Variants in FBXL7 observed in about 807,000 individuals in gnomAD.
The protein encoded by FBXL7 is F-box/LRR-repeat protein 7.
Under a neutral mutation model 38.3 loss-of-function variants are expected in FBXL7, and 12 were observed. The observed-to-expected ratio is 0.31, with a 90% CI of 0.20 to 0.51. The LOEUF is 0.51. Among genes scored for constraint, FBXL7 ranks in the 20% least tolerant of loss-of-function variants. The pLI is 0.98. For synonymous variants in FBXL7, 297 were observed against 300.9 expected (o/e 0.99, Z 0.13); for missense variants, 567 against 676.4 (o/e 0.84, Z 1.79).
At chr5:15,849,039 C>T (rs1241539242) in intron 2 of FBXL7, among the ~76,000 whole-genome samples, 1 of 152,190 alleles carries the variant, frequency 6.6e-6, no homozygotes, top group African/African-American at 2.4e-5. Flanking sequence ...TAAATGATTG[C>T]TCTAGTAATG....
At chr5:15,709,409 C>A (rs189882475) in intron 2 of FBXL7, among the ~76,000 whole-genome samples, 99 of 152,012 alleles carry the variant, frequency 6.5e-4, no homozygotes, top group Non-Finnish European at 1.1e-3. Flanking sequence ...TTGTGCACAC[C>A]TGTAATCCCA....
At chr5:15,676,135 A>G (rs1205648650) in intron 2 of FBXL7, among the ~76,000 whole-genome samples, 1 of 152,152 alleles carries the variant, frequency 6.6e-6, no homozygotes, top group African/African-American at 2.4e-5. Flanking sequence ...ATTAGGTGTT[A>G]ACTGCCTCCA....
Position 15,928,101 on chromosome 5 carries a change from C to T in FBXL7, c.339C>T (p.Ser113=). The change falls in exon 3 of 4, where the codon AGC becomes AGT. Residue 113 remains serine (S), a synonymous_variant. Coordinates refer to ENST00000504595, the MANE Select transcript of FBXL7 (RefSeq NM_012304.5). This position sits in a 1 kb window ranked among gnomAD's most constrained non-coding sequence, Gnocchi z 4.0. ...CCAGACCCCAGAAGGAGCAGGCCAG[C>T]ATAGACCGGCTCCCGGACCACTCCA... The part of the protein sequence containing the change: ...LASRPQKEQA[S]IDRLPDHSMV... 1 of 1,612,300 alleles carries T rather than the reference C, an allele frequency of 6.2e-7. No individual in the cohort carries two copies. The highest frequency in any genetic ancestry group is 1.1e-5 in the South Asian group (1 of 90,944).
At chr5:15,610,957 C>G (rs372798384) in intron 1 of FBXL7, among the ~76,000 whole-genome samples, 1 of 152,148 alleles carries the variant, frequency 6.6e-6, no homozygotes, top group Non-Finnish European at 1.5e-5. Flanking sequence ...ATTGGCCAAT[C>G]CAGATACAAA....
chr5:15,809,090 C>CTAG (rs2126750565), intron 2 of FBXL7, among the ~76,000 whole-genome samples: 2 of 152,230 alleles, frequency 1.3e-5, no homozygotes, highest in African/African-American at 4.8e-5. Flanking sequence ...GTGGTCTCCA[C>CTAG]CAATCATCAT....
chr5:15,717,202 C>T (rs1744067587), intron 2 of FBXL7, among the ~76,000 whole-genome samples: 1 of 152,146 alleles, frequency 6.6e-6, no homozygotes, highest in African/African-American at 2.4e-5. Flanking sequence ...TGCCAGGCCT[C>T]AGTGAGTCAT....
chr5:15,629,957 G>T (rs1045165997), intron 2 of FBXL7, among the ~76,000 whole-genome samples: 1 of 152,066 alleles, frequency 6.6e-6, no homozygotes, highest in Non-Finnish European at 1.5e-5. Flanking sequence ...GAAACTTGAG[G>T]TACATCATGG....
At chr5:15,902,241 C>T (rs1003903566) in intron 2 of FBXL7, among the ~76,000 whole-genome samples, 10 of 152,284 alleles carry the variant, frequency 6.6e-5, no homozygotes, top group African/African-American at 2.2e-4. Flanking sequence ...TTTACAGCTA[C>T]GGAGTTATTA....
intron 2 of FBXL7, among the ~76,000 whole-genome samples, chr5:15,881,985 A>G (rs888146415): frequency 6.6e-6 from 1 of 152,132 alleles, no homozygotes; most frequent in Non-Finnish European, 1.5e-5. Flanking sequence ...ATGGAAGGCA[A>G]AGAGGGGACA....
intron 2 of FBXL7, among the ~76,000 whole-genome samples, chr5:15,809,362 C>T (rs1737794978): frequency 6.6e-6 from 1 of 152,118 alleles, no homozygotes; most frequent in Middle Eastern, 3.2e-3. Context: ...AACCCGGGAC[C>T]CAACAGACCT....
At chr5:15,829,590 A>G (rs1738401240) in intron 2 of FBXL7, among the ~76,000 whole-genome samples, 1 of 152,190 alleles carries the variant, frequency 6.6e-6, no homozygotes, top group African/African-American at 2.4e-5. Flanking sequence ...CAAGTAACAT[A>G]TGGTAATGCT....
chr5:15,746,800 T>A (rs893848214), intron 2 of FBXL7, among the ~76,000 whole-genome samples: 10 of 152,170 alleles, frequency 6.6e-5, no homozygotes, highest in Admixed American at 2.0e-4. Flanking sequence ...TGTAGACTGA[T>A]GCTTTTAAAT....
intron 1 of FBXL7, among the ~76,000 whole-genome samples, chr5:15,553,102 A>G (rs796346688): frequency 6.6e-6 from 1 of 150,442 alleles, no homozygotes; most frequent in African/African-American, 2.4e-5. Flanking sequence ...ACAAAAAAAA[A>G]CCCAACCAAA....
Position 15,816,269 on chromosome 5 carries a change from G to GTATA in FBXL7, c.128-111607_128-111604dup, listed in dbSNP as rs79562693. On this transcript the variant is annotated intron_variant, in intron 2 of 3. Coordinates refer to ENST00000504595, the MANE Select transcript of FBXL7 (RefSeq NM_012304.5). ...CTGGTATGTATATATATATATGTGT[G>GTATA]TATATATATATATATATGTGCCATG... Among the ~76,000 whole-genome samples, 10 of 149,992 alleles carry GTATA rather than the reference G, an allele frequency of 6.7e-5. 1 individual carries two copies. The South Asian group carries it at 1.9e-3, about 28-fold the overall frequency.
intron 1 of FBXL7, among the ~76,000 whole-genome samples, chr5:15,599,393 ATG>A (rs779943796): frequency 6.6e-6 from 1 of 152,050 alleles, no homozygotes. Context: ...ATATATATTT[ATG>A]TGTGTGTGTA....
At chr5:15,923,275 G>A (rs565642670) in intron 2 of FBXL7, among the ~76,000 whole-genome samples, 256 of 152,330 alleles carry the variant, frequency 1.7e-3, no homozygotes, top group African/African-American at 5.9e-3. Flanking sequence ...TGTACAAAGA[G>A]TACACCTGGT....
At chr5:15,864,733 A>G (rs1023370598) in intron 2 of FBXL7, among the ~76,000 whole-genome samples, 3 of 152,234 alleles carry the variant, frequency 2.0e-5, no homozygotes, top group Non-Finnish European at 2.9e-5. Context: ...GCTGAAATGT[A>G]GCCAAGACAC....
intron 2 of FBXL7, among the ~76,000 whole-genome samples, chr5:15,835,407 T>C (rs1486622109): frequency 6.6e-6 from 1 of 152,202 alleles, no homozygotes; most frequent in Non-Finnish European, 1.5e-5. Context: ...AATTATACAT[T>C]ATTATGCAAT....
In FBXL7 at chr5:15,936,258, T is replaced by C. The variant is rs1742178826; in HGVS notation, c.740-192T>C. 1.3e-5 allele frequency among the ~76,000 whole-genome samples: 2 copies of C among 152,178 alleles called. No individual in the cohort carries two copies. Among genetic ancestry groups the C allele is most frequent in the South Asian group, 4.1e-4 (2 of 4,828 alleles). ...TCTTAAGCCCAGATAATAGAAATAA[T>C]GTAGTTAAATAATCAGATAAATATG... is the stretch of plus-strand genomic sequence containing the variant. On this transcript the variant is annotated intron_variant, in intron 3 of 3. Transcript: ENST00000504595. This position sits in a 1 kb window ranked among gnomAD's most constrained non-coding sequence, Gnocchi z 6.0.
Sources: allele counts gnomAD v4.1 joint callset (sites outside exome capture counted in the v4.1 genomes callset), GRCh38; gene constraint gnomAD v4.1.1; non-coding constraint Gnocchi (gnomAD v3.1); transcripts MANE v1.5; gene names NCBI Gene and HGNC (gene_info 2026-07-23, HGNC 2026-07-21).